Variants in UPRT observed in about 807,000 individuals in gnomAD.
UPRT encodes the protein uracil phosphoribosyltransferase homolog, also known as RP11-311P8.3.
Under a neutral mutation model 22.6 loss-of-function variants are expected in UPRT, and 5 were observed. The ratio of observed to expected loss-of-function variants is 0.22; its 90% CI spans 0.12 to 0.47. The LOEUF (loss-of-function observed/expected upper bound fraction) is 0.47. UPRT is among the 20% of genes least tolerant of loss of function. The pLI, the probability that UPRT is intolerant of heterozygous loss-of-function variation, is 0.99. For synonymous variants in UPRT, 77 were observed against 87.7 expected (o/e 0.88, Z 0.68); for missense variants, 181 against 239.9 (o/e 0.75, Z 1.62).
At chrX:75,163,080 G>C (rs1231619974) in intron 2 of UPRT, among the ~76,000 whole-genome samples, 1 of 111,622 alleles carries the variant, frequency 9.0e-6, no homozygotes, top group African/African-American at 3.3e-5. Flanking sequence ...CTGAGACTTG[G>C]GGTCCCTCTC....
rs190206096 is a variant in UPRT at position 75,179,595 on chromosome X, C to T, written c.-447+11716C>T. 1.9e-4 allele frequency among the ~76,000 whole-genome samples: 22 copies of T among 113,147 alleles called. No homozygotes were observed. The East Asian group carries it at 5.4e-3, about 28-fold the overall frequency. On this transcript the variant is annotated intron_variant, in intron 4 of 13. Transcript: ENST00000652605. ...TGGTGCTCGTCGGGGAGGCTCGGGC[C>T]GCACAGGAGCCCATGGAGTGGGTGG...
chrX:75,211,044 G>A (rs1056933020), intron 4 of UPRT, among the ~76,000 whole-genome samples: 1 of 110,239 alleles, frequency 9.1e-6, no homozygotes, highest in African/African-American at 3.3e-5. Flanking sequence ...GAGTGAATAA[G>A]GTATTCAGTT....
At chrX:75,275,045 C>A (rs188334969) in intron 1 of UPRT, among the ~76,000 whole-genome samples, 193 of 111,075 alleles carry the variant, frequency 1.7e-3, no homozygotes, top group Non-Finnish European at 3.0e-3. Flanking sequence ...GCACTACCAC[C>A]AATCACCTCA....
At chrX:75,290,084 A>G (rs768103903) in intron 1 of UPRT, among the ~76,000 whole-genome samples, 1 of 112,389 alleles carries the variant, frequency 8.9e-6, no homozygotes, top group Non-Finnish European at 1.9e-5. Flanking sequence ...GAAATCTGTA[A>G]GGAACTTAAA....
chrX:75,188,036 C>A (rs1424347260), intron 4 of UPRT, among the ~76,000 whole-genome samples: 2 of 112,453 alleles, frequency 1.8e-5, no homozygotes, highest in African/African-American at 6.5e-5. Context: ...CCAAGTCATT[C>A]TCCGTCCAGC....
chrX:75,203,510 A>T lies in UPRT; in HGVS notation c.-447+35631A>T, dbSNP rs867638149. Among the ~76,000 whole-genome samples, 35 of 95,050 alleles carry T rather than the reference A, an allele frequency of 3.7e-4. 2 individuals carry two copies. Among genetic ancestry groups the T allele is most frequent in the Middle Eastern group, 5.2e-3 (1 of 193 alleles). 82.5% of individuals were successfully genotyped at this position (95,050 alleles called of 115,157 possible). ...CACACACACACACACACACACACAC[A>T]CACACTCACACACACACACACACAC... is the stretch of plus-strand genomic sequence containing the variant. On this transcript the variant is annotated intron_variant, in intron 4 of 13. Coordinates refer to the UPRT transcript ENST00000652605.
chrX:75,259,042 A>C (rs971798171), intron 4 of UPRT, among the ~76,000 whole-genome samples: 2 of 112,011 alleles, frequency 1.8e-5, no homozygotes, highest in African/African-American at 6.5e-5. Context: ...GACTGTTAGA[A>C]GGAAAACTAA....
rs543686527 is a variant in UPRT, at chrX:75,178,113, C to T, written c.-447+10234C>T. ...CTTTCCTCTCTGTTGACCCTCGGCT[C>T]AGCCCAGAAGTACAGGAAAAGCGGA... On this transcript the variant is annotated intron_variant, in intron 4 of 13. Transcript: ENST00000652605. Among the ~76,000 whole-genome samples, 3 of 112,296 alleles carry T rather than the reference C, an allele frequency of 2.7e-5. No homozygotes were observed. The Admixed American group carries it at 2.8e-4, about 11-fold the overall frequency.
At chrX:75,180,929 C>T (rs1277895691) in intron 4 of UPRT, among the ~76,000 whole-genome samples, 1 of 109,836 alleles carries the variant, frequency 9.1e-6, no homozygotes, top group Non-Finnish European at 1.9e-5. Context: ...ATCATGAAGT[C>T]TTTGCCCATG....
At chrX:75,265,466 T>A (rs770013995) in intron 4 of UPRT, among the ~76,000 whole-genome samples, 20 of 112,477 alleles carry the variant, frequency 1.8e-4, no homozygotes, top group Admixed American at 1.6e-3. Context: ...TTCAAGTTGA[T>A]CGAATTGGCT....
At chrX:75,282,050 G>A (rs780246920) in intron 1 of UPRT, among the ~76,000 whole-genome samples, 3 of 110,888 alleles carry the variant, frequency 2.7e-5, no homozygotes, top group African/African-American at 9.8e-5. Context: ...TAGTTTATGT[G>A]TGTAAGGGTG....
At chrX:75,213,964 A>G (rs1361709125) in intron 4 of UPRT, among the ~76,000 whole-genome samples, 1 of 112,297 alleles carries the variant, frequency 8.9e-6, no homozygotes, top group Non-Finnish European at 1.9e-5. Context: ...CAATATCACC[A>G]TTAATCAAAT....
At position 75,197,316 on chromosome X, in the gene UPRT, G is replaced by A. The variant is rs186176113; in HGVS notation, c.-447+29437G>A. Reference sequence around the variant, plus strand: ...GACTTAAAGAATCAACACAGATTAAGCTCCAAGAATTATGAATTCACAGTT... The same window carrying A: ...GACTTAAAGAATCAACACAGATTAAACTCCAAGAATTATGAATTCACAGTT... On this transcript the variant is annotated intron_variant, in intron 4 of 13. Transcript: ENST00000652605. Among the ~76,000 whole-genome samples, 9 of 111,538 alleles carry A rather than the reference G, an allele frequency of 8.1e-5. No homozygotes were observed. The East Asian group carries it at 2.5e-3, about 31-fold the overall frequency.
At chrX:75,265,095 C>T in intron 4 of UPRT, among the ~76,000 whole-genome samples, 1 of 111,899 alleles carries the variant, frequency 8.9e-6, no homozygotes, top group East Asian at 2.8e-4. Context: ...CGACCTTTCT[C>T]TCTGGCTGCC....
At chrX:75,281,184 A>T (rs1233682841) in intron 1 of UPRT, among the ~76,000 whole-genome samples, 1 of 111,069 alleles carries the variant, frequency 9.0e-6, no homozygotes, top group African/African-American at 3.3e-5. Context: ...TAGGGTTTTC[A>T]AGGTAAAAGA....
chrX:75,246,775 A>G lies in UPRT; in HGVS notation c.-446-44249A>G, dbSNP rs777258555. Among the ~76,000 whole-genome samples the G allele has an allele frequency of 8.1e-5, 9 of 111,409 alleles. No homozygotes were observed. The South Asian group carries it at 3.0e-3, about 38-fold the overall frequency. ...CCTCTCCAGTACCTGTTGTTTCCTG[A>G]CTTTTTAATGATCGGCATTCTAACT... On this transcript the variant is annotated intron_variant, in intron 4 of 13. Coordinates refer to the UPRT transcript ENST00000652605.
chrX:75,245,081 CA>C (rs982672686), intron 4 of UPRT, among the ~76,000 whole-genome samples: 2 of 109,778 alleles, frequency 1.8e-5, no homozygotes, highest in Non-Finnish European at 1.9e-5. Flanking sequence ...AATCAACAAG[CA>C]AAAAGCAAAC....
rs972346259 is a variant in UPRT, at chrX:75,304,430, G to A, written c.*919G>A. 3 of 111,081 alleles carry A rather than the reference G, an allele frequency of 2.7e-5. No individual in the cohort carries two copies. Among genetic ancestry groups the A allele is most frequent in the East Asian group, 2.8e-4 (1 of 3,548 alleles). The allele number at this position is 111,081 out of a possible 1,213,427, so 9.2% of individuals were successfully genotyped here. Reference sequence around the variant, plus strand: ...GCATGTTTGTCAACTGTATATGTATGAAAATAGAAAAAAACCATGCTTTTT... The same window carrying A: ...GCATGTTTGTCAACTGTATATGTATAAAAATAGAAAAAAACCATGCTTTTT... On this transcript the variant is annotated 3_prime_UTR_variant, in exon 7 of 7. Transcript: ENST00000373383.
intron 4 of UPRT, among the ~76,000 whole-genome samples, chrX:75,243,506 G>T (rs1171457983): frequency 9.0e-6 from 1 of 111,374 alleles, no homozygotes; most frequent in East Asian, 2.8e-4. Context: ...AGAATTAAGA[G>T]AACGTAGATG....
Sources: allele counts gnomAD v4.1 joint callset (sites outside exome capture counted in the v4.1 genomes callset), GRCh38; gene constraint gnomAD v4.1.1; transcripts MANE v1.5; gene names NCBI Gene and HGNC (gene_info 2026-07-23, HGNC 2026-07-21).